The following KIF25 variants were observed in gnomAD, a reference collection of about 807,000 sequenced individuals.
KIF25 encodes kinesin family member 25.
Under a neutral mutation model 32.9 loss-of-function variants are expected in KIF25, and 19 were observed. The ratio of observed to expected loss-of-function variants is 0.58; its 90% CI spans 0.40 to 0.85. The LOEUF (loss-of-function observed/expected upper bound fraction) is 0.85, where lower values mean the gene tolerates loss of function less well. Among genes scored for constraint, KIF25 ranks in the 40% least tolerant of loss-of-function variants. The probability of loss-of-function intolerance (pLI) is 0.00; values close to 1 mark genes in which losing one functional copy is unlikely to be tolerated. For synonymous variants in KIF25, 225 were observed against 213.7 expected, an observed-to-expected ratio of 1.05 and a Z score of -0.46; for missense variants, 485 against 507.0, an observed-to-expected ratio of 0.96 and a Z score of 0.42.
chr6:168,006,250 C>T lies in KIF25; in HGVS notation c.-163+2547C>T, dbSNP rs1332313983. ...CGATGGGGGGGTCTCACTATGTTGCCCAGGCTAGTCTTGAACTCCTGGCTT... is the reference window on the plus strand; with the variant it reads ...CGATGGGGGGGTCTCACTATGTTGCTCAGGCTAGTCTTGAACTCCTGGCTT... On this transcript the variant is annotated intron_variant, in intron 4 of 12. Transcript: ENST00000643607. Among the ~76,000 whole-genome samples, 4 of 151,546 alleles carry T rather than the reference C, an allele frequency of 2.6e-5. No individual in the cohort carries two copies. In the East Asian group the frequency reaches 5.8e-4, roughly 22 times the overall value.
chr6:168,005,671 G>C (rs770006419), intron 4 of KIF25, among the ~76,000 whole-genome samples: 39 of 152,238 alleles, frequency 2.6e-4, no homozygotes, highest in Non-Finnish European at 4.6e-4. Flanking sequence ...GAAGAACTTG[G>C]AGTCCGATGT....
At chr6:168,025,844 C>T (rs1053748267) in intron 5 of KIF25, among the ~76,000 whole-genome samples, 16 of 152,228 alleles carry the variant, frequency 1.1e-4, no homozygotes, top group Non-Finnish European at 1.8e-4. Flanking sequence ...CTGTGGGTAT[C>T]GGTCATCACC....
intron 4 of KIF25, among the ~76,000 whole-genome samples, chr6:168,004,937 G>C (rs998998929): frequency 6.6e-6 from 1 of 152,204 alleles, no homozygotes; most frequent in South Asian, 2.1e-4. Context: ...TTTTAAAGGA[G>C]AGAAAACCAT....
chr6:168,006,824 T>A (rs1798585640), intron 4 of KIF25, among the ~76,000 whole-genome samples: 1 of 152,226 alleles, frequency 6.6e-6, no homozygotes, highest in Non-Finnish European at 1.5e-5. Context: ...TTACGTATTG[T>A]AAACTTTAGA....
intron 2 of KIF25, among the ~76,000 whole-genome samples, chr6:168,001,957 C>T (rs573652459): frequency 2.8e-3 from 335 of 121,020 alleles, no homozygotes; most frequent in African/African-American, 9.7e-3. Context: ...GGCGTGGCCG[C>T]GGGCAGGTGA....
In KIF25 at chr6:168,000,577, T is replaced by C. The variant is rs568356099; in HGVS notation, c.-370+1257T>C. 2.6e-5 allele frequency among the ~76,000 whole-genome samples: 3 copies of C among 114,308 alleles called. No homozygotes were observed. In the East Asian group the frequency reaches 8.8e-4, roughly 34 times the overall value. 75.0% of individuals were successfully genotyped at this position (114,308 alleles called of 152,430 possible). A position where few individuals can be genotyped will look rare whatever the true frequency, so the allele number is the denominator to read the frequency against. ...CCACACCTGACCCTCCCCACTCCCA[T>C]TGCCGACCACATCTGACCTTCTCAC... On this transcript the variant is annotated intron_variant, in intron 2 of 12. Transcript: ENST00000643607.
At chr6:168,030,371 C>T (rs1238579202) in intron 6 of KIF25, among the ~76,000 whole-genome samples, 3 of 151,802 alleles carry the variant, frequency 2.0e-5, no homozygotes, top group Admixed American at 6.6e-5. Flanking sequence ...TAAAGTAGAG[C>T]TAATTTAGTT....
chr6:167,999,536 C>T (rs1398446362), intron 2 of KIF25, among the ~76,000 whole-genome samples: 1 of 152,230 alleles, frequency 6.6e-6, no homozygotes, highest in Non-Finnish European at 1.5e-5. Context: ...GCCAAACTGC[C>T]TGAGCAGGCC....
chr6:168,025,918 G>C (rs1798853827), intron 5 of KIF25, among the ~76,000 whole-genome samples: 1 of 152,238 alleles, frequency 6.6e-6, no homozygotes, highest in Admixed American at 6.5e-5. Flanking sequence ...AATTCCTGTG[G>C]GCAAGAGAGT....
chr6:168,034,403 A>G (rs375213347), intron 8 of KIF25, among the ~76,000 whole-genome samples: 6 of 152,048 alleles, frequency 3.9e-5, no homozygotes, highest in African/African-American at 1.4e-4. Flanking sequence ...GTATCACAGG[A>G]GTGTGCCACC....
intron 8 of KIF25, chr6:168,035,827 T>C (rs913612911): frequency 1.3e-5 from 6 of 455,408 alleles, no homozygotes; most frequent in African/African-American, 1.2e-4. Flanking sequence ...GGCAAGGCCG[T>C]ACTCTCCCTA....
intron 9 of KIF25, 81 bp downstream of exon 9, chr6:168,038,810 C>A: frequency 7.1e-7 from 1 of 1,406,524 alleles, no homozygotes; most frequent in Non-Finnish European, 9.8e-7. Flanking sequence ...GGAGGCTGCA[C>A]GTCTCTAAAC....
rs138489800 is a variant in KIF25 at position 168,016,603 on chromosome 6, C to T, written c.-162-1370C>T. 8.5e-3 allele frequency among the ~76,000 whole-genome samples: 1,296 copies of T among 152,320 alleles called. 18 individuals carry two copies. The highest frequency in any genetic ancestry group is 9.2e-3 in the Non-Finnish European group (625 of 68,016). On this transcript the variant is annotated intron_variant, in intron 4 of 12. Coordinates refer to ENST00000643607, the MANE Select transcript of KIF25 (RefSeq NM_030615.4). The stretch of plus-strand genomic sequence containing the variant: ...AAAGAGTTTTAAACAAGGACCCAAG[C>T]GACCTCTCCCCAACAGGTGGCATTC...
At chr6:168,022,137 A>T (rs758233247) in intron 5 of KIF25, among the ~76,000 whole-genome samples, 2 of 152,188 alleles carry the variant, frequency 1.3e-5, no homozygotes, top group Non-Finnish European at 2.9e-5. Context: ...TGAAATTCCT[A>T]TTAGATATAG....
In KIF25 at chr6:168,029,508, A is replaced by G; in HGVS notation, c.-78A>G. 6.4e-7 allele frequency: 1 copy of G among 1,562,228 alleles called. No individual in the cohort carries two copies. Among genetic ancestry groups the G allele is most frequent in the African/African-American group, 1.4e-5 (1 of 73,356 alleles). Reference sequence around the variant, plus strand: ...CCTTTACAGATATACTGGCCTTCCCAGCTGACATGGACCTCAGGTCAGCTT... The same window carrying G: ...CCTTTACAGATATACTGGCCTTCCCGGCTGACATGGACCTCAGGTCAGCTT... On this transcript the variant is annotated 5_prime_UTR_variant, in exon 6 of 13. Coordinates refer to ENST00000643607, the MANE Select transcript of KIF25 (RefSeq NM_030615.4).
At chr6:168,019,132 T>G (rs1798754848) in intron 5 of KIF25, among the ~76,000 whole-genome samples, 1 of 152,190 alleles carries the variant, frequency 6.6e-6, no homozygotes, top group Non-Finnish European at 1.5e-5. Flanking sequence ...TCAAGTTGTT[T>G]CCAAGTAACT....
chr6:168,031,351 T>C (rs1583140399), intron 7 of KIF25, among the ~76,000 whole-genome samples: 1 of 152,236 alleles, frequency 6.6e-6, no homozygotes, highest in Non-Finnish European at 1.5e-5. Context: ...CTTTCCACTC[T>C]GGGGCATTTT....
intron 4 of KIF25, among the ~76,000 whole-genome samples, chr6:168,009,715 C>T (rs1255162720): frequency 2.6e-5 from 4 of 152,080 alleles, no homozygotes; most frequent in South Asian, 4.2e-4. Context: ...GACTTTTCTT[C>T]ATTAGAAGAC....
chr6:168,013,167 T>C (rs1353885671), intron 4 of KIF25, among the ~76,000 whole-genome samples: 1 of 151,810 alleles, frequency 6.6e-6, no homozygotes, highest in African/African-American at 2.4e-5. Flanking sequence ...GCCCAGCCCC[T>C]CCTCTGGCCT....
Sources: gnomAD v4.1 joint callset for allele counts (sites outside exome capture counted in the v4.1 genomes callset) on GRCh38, gnomAD v4.1.1 for gene constraint, MANE v1.5 for transcripts, NCBI Gene and HGNC (gene_info 2026-07-23, HGNC 2026-07-21) for gene names.